APC: variants seen among roughly 807,000 people sequenced by gnomAD.
APC encodes the protein adenomatous polyposis coli protein.
Under a neutral mutation model 247.0 loss-of-function variants are expected in APC, and 72 were observed. That is an observed-to-expected ratio of 0.29 (90% CI 0.24 to 0.35). The LOEUF (loss-of-function observed/expected upper bound fraction) is 0.35. APC is among the 10% of genes least tolerant of loss of function. The probability of loss-of-function intolerance (pLI) is 1.00; values close to 1 mark genes in which losing one functional copy is unlikely to be tolerated. For missense variants in APC, 3,400 were observed against 3,360.7 expected, an observed-to-expected ratio of 1.01 and a Z score of -0.29; for synonymous variants, 1,254 against 1,162.5, an observed-to-expected ratio of 1.08 and a Z score of -1.60.
rs780665640 is a variant in APC, at chr5:112,841,565, G to C, written c.5971G>C (p.Glu1991Gln). Reference sequence around the variant, plus strand: ...AGAAAATGAACCTATCAAAGAGACTGAGCCCCCTGACTCACAGGGAGAACC... The same window carrying C: ...AGAAAATGAACCTATCAAAGAGACTCAGCCCCCTGACTCACAGGGAGAACC... ...NKENEPIKETEPPDSQGEPSK... is the reference protein window; with the variant it reads ...NKENEPIKETQPPDSQGEPSK... The change falls in exon 16 of 16, where the codon GAG (glutamate) becomes CAG (glutamine). Residue 1991 changes from glutamate (E) to glutamine (Q), a missense_variant. Glu to Gln is a conservative substitution (Grantham distance 29, BLOSUM62 2). This residue lies in a region of APC where 1,788 missense variants were observed against 1,649.5 expected (regional missense o/e 1.08). Transcript: ENST00000257430. The surrounding 1 kb of genome is among the most constrained non-coding windows in gnomAD (Gnocchi z 4.6). 1 of 1,613,978 alleles carries C rather than the reference G, an allele frequency of 6.2e-7. No individual in the cohort carries two copies. Among genetic ancestry groups the C allele is most frequent in the Non-Finnish European group, 8.5e-7 (1 of 1,179,900 alleles).
At chr5:112,770,559 G>T (rs1009682589) in intron 4 of APC, among the ~76,000 whole-genome samples, 5 of 152,048 alleles carry the variant, frequency 3.3e-5, no homozygotes, top group Non-Finnish European at 7.4e-5. Context: ...AGAGAAAGAG[G>T]TATCAACATG....
rs570231792 is a variant in APC, at chr5:112,808,399, A to G, written c.834+7016A>G. Reference sequence around the variant, plus strand: ...CCTTCTTTTTGTTTTACGGCCATTTAGTTATTGAAGAACTAAAGTTGTTTT... The same window carrying G: ...CCTTCTTTTTGTTTTACGGCCATTTGGTTATTGAAGAACTAAAGTTGTTTT... On this transcript the variant is annotated intron_variant, in intron 8 of 15. Coordinates refer to ENST00000257430, the MANE Select transcript of APC (RefSeq NM_000038.6). Among the ~76,000 whole-genome samples, 12 of 152,080 alleles carry G rather than the reference A, an allele frequency of 7.9e-5. No individual in the cohort carries two copies. The East Asian group carries it at 2.3e-3, about 29-fold the overall frequency.
intron 1 of APC, among the ~76,000 whole-genome samples, chr5:112,747,447 A>G (rs1753816109): frequency 6.6e-6 from 1 of 152,188 alleles, no homozygotes; most frequent in Non-Finnish European, 1.5e-5. Flanking sequence ...TGCACTGTTT[A>G]TTACTACTTT....
intron 2 of APC, among the ~76,000 whole-genome samples, chr5:112,765,883 T>C (rs1400560587): frequency 6.6e-6 from 1 of 152,192 alleles, no homozygotes; most frequent in East Asian, 1.9e-4. Context: ...ATATAAAAGC[T>C]TGAATGTTGA....
At chr5:112,754,637 C>A (rs910872420) in intron 1 of APC, among the ~76,000 whole-genome samples, 1 of 152,184 alleles carries the variant, frequency 6.6e-6, no homozygotes, top group African/African-American at 2.4e-5. Flanking sequence ...TGTATTCAGA[C>A]ACAACTAAAG....
At chr5:112,743,201 A>G (rs1753245391) in intron 1 of APC, among the ~76,000 whole-genome samples, 2 of 152,116 alleles carry the variant, frequency 1.3e-5, no homozygotes, top group Non-Finnish European at 1.5e-5. Flanking sequence ...TGCTCTTGTC[A>G]CATATTCTTC....
chr5:112,770,637 T>TA (rs1161749606), intron 4 of APC, among the ~76,000 whole-genome samples: 3 of 152,158 alleles, frequency 2.0e-5, no homozygotes, highest in African/African-American at 7.2e-5. Context: ...TAAAGCATCA[T>TA]AAATGAAAAG....
chr5:112,826,001 A>T (rs1336699833), intron 11 of APC, among the ~76,000 whole-genome samples: 1 of 152,268 alleles, frequency 6.6e-6, no homozygotes, highest in East Asian at 1.9e-4. Context: ...ACCTACATTC[A>T]AACATGTCTG....
intron 1 of APC, among the ~76,000 whole-genome samples, chr5:112,720,336 A>G (rs907125831): frequency 1.3e-5 from 2 of 152,232 alleles, no homozygotes; most frequent in Non-Finnish European, 2.9e-5. Context: ...TACTAAGTCA[A>G]AGATTCCTAT....
chr5:112,756,457 A>G (rs1358421264), intron 2 of APC, among the ~76,000 whole-genome samples: 2 of 152,250 alleles, frequency 1.3e-5, no homozygotes, highest in Admixed American at 1.3e-4. Flanking sequence ...GTATTTTAAC[A>G]TTGATCAACA....
chr5:112,738,391 A>G (rs1036264596), intron 1 of APC: 3 of 985,554 alleles, frequency 3.0e-6, no homozygotes, highest in Admixed American at 6.2e-5. Flanking sequence ...AGGAGACAAA[A>G]CCGCTGCAGA....
intron 2 of APC, among the ~76,000 whole-genome samples, chr5:112,762,633 G>A (rs1404880473): frequency 6.6e-6 from 1 of 152,188 alleles, no homozygotes; most frequent in Non-Finnish European, 1.5e-5. Context: ...TGAAGGTCAA[G>A]AGCATGCCAA....
chr5:112,721,283 G>T (rs571666111), intron 1 of APC, among the ~76,000 whole-genome samples: 1 of 152,076 alleles, frequency 6.6e-6, no homozygotes, highest in East Asian at 1.9e-4. Flanking sequence ...GCATGGTGGC[G>T]TGTGCCTGTA....
chr5:112,826,964 T>C (rs968612262), intron 11 of APC, 144 bp from the exon 12 acceptor site: 1 of 744,100 alleles, frequency 1.3e-6, no homozygotes, highest in African/African-American at 1.8e-5. Context: ...TAACAGTTTT[T>C]GTAGCTTATA....
At chr5:112,820,966 C>G (rs1337935623) in intron 10 of APC, among the ~76,000 whole-genome samples, 1 of 151,976 alleles carries the variant, frequency 6.6e-6, no homozygotes, top group African/African-American at 2.4e-5. Flanking sequence ...GGCTCAAGCA[C>G]TCCTCCTACC....
chr5:112,776,034 A>G (rs979932026), intron 5 of APC, among the ~76,000 whole-genome samples: 1 of 152,200 alleles, frequency 6.6e-6, no homozygotes, highest in South Asian at 2.1e-4. Context: ...AACTCCGTGT[A>G]TTGAATTGCC....
chr5:112,708,367 G>C (rs1000008168), intron 1 of APC, among the ~76,000 whole-genome samples: 2 of 152,206 alleles, frequency 1.3e-5, no homozygotes, highest in Non-Finnish European at 2.9e-5. Flanking sequence ...AAGTCCCCAG[G>C]AGCCTTGGAT....
At chr5:112,752,683 G>A (rs1475464376) in intron 1 of APC, among the ~76,000 whole-genome samples, 1 of 152,178 alleles carries the variant, frequency 6.6e-6, no homozygotes, top group African/African-American at 2.4e-5. Flanking sequence ...GCATTCCAAA[G>A]TAAATTTATG....
At chr5:112,713,143 C>T (rs1025662503) in intron 1 of APC, among the ~76,000 whole-genome samples, 1 of 143,890 alleles carries the variant, frequency 6.9e-6, no homozygotes, top group Admixed American at 7.8e-5. Flanking sequence ...TGCACTCCAG[C>T]CTGGGTGACA....
Sources: allele counts gnomAD v4.1 joint callset (sites outside exome capture counted in the v4.1 genomes callset), GRCh38; gene constraint gnomAD v4.1.1; regional missense constraint gnomAD v4.1.1; non-coding constraint Gnocchi (gnomAD v3.1); transcripts MANE v1.5; gene names NCBI Gene and HGNC (gene_info 2026-07-23, HGNC 2026-07-21).